Variants in UNC13C observed in about 807,000 individuals in gnomAD.
The protein encoded by UNC13C is protein unc-13 homolog C.
A neutral mutation model predicts 245.4 loss-of-function variants in UNC13C; 174 were observed. The ratio of observed to expected loss-of-function variants is 0.71; its 90% CI spans 0.63 to 0.80. The LOEUF is 0.80. Ranked by LOEUF, UNC13C falls within the 30% of genes least tolerant of loss-of-function variation. The pLI is 0.00. For missense variants in UNC13C, 2,829 were observed against 2,602.9 expected (o/e 1.09, Z -1.89); for synonymous variants, 992 against 895.1 (o/e 1.11, Z -1.93).
rs556252200 is a variant in UNC13C, at chr15:54,223,992, C to T, written c.3072-11038C>T. Among the ~76,000 whole-genome samples, 12 of 152,160 alleles carry T rather than the reference C, an allele frequency of 7.9e-5. No individual in the cohort carries two copies. In the East Asian group the frequency reaches 1.7e-3, roughly 22 times the overall value. On this transcript the variant is annotated intron_variant, in intron 4 of 32. Coordinates refer to ENST00000260323, the MANE Select transcript of UNC13C (RefSeq NM_001080534.3). ...GATTTTTGTATGTTGATTTTGTATC[C>T]TGCAACTTTACTAAATTTGTTGATC...
chr15:53,924,710 G>A, the UNC13C span, among the ~76,000 whole-genome samples: 11 of 152,144 alleles, frequency 7.2e-5, no homozygotes, highest in African/African-American at 2.7e-4. Context: ...AAAGCAAGAG[G>A]TATCCTTTCC....
chr15:54,078,282 G>A (rs1302888012), intron 2 of UNC13C, among the ~76,000 whole-genome samples: 1 of 152,160 alleles, frequency 6.6e-6, no homozygotes, highest in Non-Finnish European at 1.5e-5. Flanking sequence ...ACTGTGAGTA[G>A]TGCTGCAATA....
intron 2 of UNC13C, among the ~76,000 whole-genome samples, chr15:54,061,959 G>A (rs1793144036): frequency 6.6e-6 from 1 of 152,074 alleles, no homozygotes; most frequent in African/African-American, 2.4e-5. Flanking sequence ...CATATACCAA[G>A]AACTTAAATT....
chr15:54,276,220 G>A (rs967896743), intron 10 of UNC13C, among the ~76,000 whole-genome samples: 1 of 152,074 alleles, frequency 6.6e-6, no homozygotes, highest in Non-Finnish European at 1.5e-5. Flanking sequence ...GTTAATCATG[G>A]TGATGATTAT....
intron 12 of UNC13C, among the ~76,000 whole-genome samples, chr15:54,299,207 G>C (rs2037512237): frequency 6.6e-6 from 1 of 152,076 alleles, no homozygotes; most frequent in South Asian, 2.1e-4. Flanking sequence ...CTTTTCTACT[G>C]GTCCAAGAAC....
At chr15:54,089,802 A>G (rs988215391) in intron 2 of UNC13C, among the ~76,000 whole-genome samples, 1 of 152,138 alleles carries the variant, frequency 6.6e-6, no homozygotes, top group African/African-American at 2.4e-5. Flanking sequence ...TAACTCAGAA[A>G]TTCAACTCAT....
chr15:54,413,306 T>C (rs1239024151), intron 18 of UNC13C, among the ~76,000 whole-genome samples: 1 of 152,054 alleles, frequency 6.6e-6, no homozygotes, highest in Non-Finnish European at 1.5e-5. Flanking sequence ...CATAATCTTA[T>C]TCTTGATTCA....
chr15:54,325,524 T>A (rs1167654108), intron 14 of UNC13C, among the ~76,000 whole-genome samples: 1 of 152,070 alleles, frequency 6.6e-6, no homozygotes, highest in Non-Finnish European at 1.5e-5. Context: ...ACTCATCATT[T>A]ACATTAGGTG....
the UNC13C span, among the ~76,000 whole-genome samples, chr15:53,954,077 T>A: frequency 6.6e-6 from 1 of 152,240 alleles, no homozygotes; most frequent in Non-Finnish European, 1.5e-5. Context: ...CATCATTTCC[T>A]ATCCATCCTT....
the UNC13C span, among the ~76,000 whole-genome samples, chr15:53,838,483 A>G: frequency 6.6e-6 from 1 of 151,996 alleles, no homozygotes; most frequent in Non-Finnish European, 1.5e-5. Context: ...AACTTTTCCT[A>G]TGAATAGATG....
At chr15:53,849,238 T>C in the UNC13C span, among the ~76,000 whole-genome samples, 5 of 152,116 alleles carry the variant, frequency 3.3e-5, no homozygotes, top group Admixed American at 2.0e-4. Context: ...AAACCTACCA[T>C]GTTGTTGCTT....
chr15:54,358,261 C>T (rs1304807961), intron 17 of UNC13C, among the ~76,000 whole-genome samples: 1 of 152,016 alleles, frequency 6.6e-6, no homozygotes, highest in Non-Finnish European at 1.5e-5. Flanking sequence ...ATGATGCCTC[C>T]AGCTTCATTC....
chr15:54,026,659 T>C (rs1227346691), intron 2 of UNC13C, among the ~76,000 whole-genome samples: 3 of 152,234 alleles, frequency 2.0e-5, no homozygotes, highest in Non-Finnish European at 4.4e-5. Context: ...AAGTACTCCT[T>C]TCACTCTTTT....
At chr15:54,270,067 A>C (rs2036646228) in intron 10 of UNC13C, among the ~76,000 whole-genome samples, 1 of 152,114 alleles carries the variant, frequency 6.6e-6, no homozygotes, top group African/African-American at 2.4e-5. Flanking sequence ...AGTTTCCTGA[A>C]TTCTGAGATT....
chr15:53,966,463 T>G, the UNC13C span, among the ~76,000 whole-genome samples: 4 of 152,200 alleles, frequency 2.6e-5, no homozygotes, highest in African/African-American at 7.2e-5. Flanking sequence ...AGTTTTTAAA[T>G]GTTTATAGCA....
chr15:53,926,487 A>G, the UNC13C span, among the ~76,000 whole-genome samples: 1 of 152,324 alleles, frequency 6.6e-6, no homozygotes, highest in Non-Finnish European at 1.5e-5. Context: ...TGAGAGGGGA[A>G]GGAAAACACG....
chr15:54,263,505 A>G (rs2036478110), intron 8 of UNC13C, among the ~76,000 whole-genome samples: 1 of 152,156 alleles, frequency 6.6e-6, no homozygotes, highest in African/African-American at 2.4e-5. Context: ...GAGACCAGTC[A>G]TGAAAAACAA....
Position 54,398,038 on chromosome 15 carries a change from A to T in UNC13C, c.4847+4857A>T, listed in dbSNP as rs192576361. On this transcript the variant is annotated intron_variant, in intron 18 of 32. Coordinates refer to ENST00000260323, the MANE Select transcript of UNC13C (RefSeq NM_001080534.3). Reference sequence around the variant, plus strand: ...ACATTCTTGCCTTATTCCTAATCTCATAGGGAAAGCATAGAGATTTTTACC... The same window carrying T: ...ACATTCTTGCCTTATTCCTAATCTCTTAGGGAAAGCATAGAGATTTTTACC... 3.0e-3 allele frequency among the ~76,000 whole-genome samples: 454 copies of T among 151,388 alleles called. 2 individuals are homozygous for T. Among genetic ancestry groups the T allele is most frequent in the African/African-American group, 0.01 (433 of 41,484 alleles).
At chr15:54,529,545 A>T (rs1298209862) in intron 25 of UNC13C, among the ~76,000 whole-genome samples, 1 of 152,216 alleles carries the variant, frequency 6.6e-6, no homozygotes, top group Non-Finnish European at 1.5e-5. Flanking sequence ...CACCTAGAAC[A>T]GTGATTGGCA....
Sources: gnomAD v4.1 joint callset for allele counts (sites outside exome capture counted in the v4.1 genomes callset) on GRCh38, gnomAD v4.1.1 for gene constraint, MANE v1.5 for transcripts, NCBI Gene and HGNC (gene_info 2026-07-23, HGNC 2026-07-21) for gene names.